POF1B: variants seen among roughly 807,000 people sequenced by gnomAD.
The protein encoded by POF1B is protein POF1B.
POF1B carries 53 observed loss-of-function variants against 55.3 expected under a neutral mutation model. The observed-to-expected ratio is 0.96, with a 90% CI of 0.77 to 1.20. The LOEUF is 1.20. Ranked by LOEUF, POF1B falls within the 50% of genes most tolerant of loss-of-function variation. POF1B has a pLI of 0.00. For synonymous variants in POF1B, 188 were observed against 148.3 expected (o/e 1.27, Z -1.95); for missense variants, 478 against 420.5 (o/e 1.14, Z -1.20).
intron 4 of POF1B, among the ~76,000 whole-genome samples, chrX:85,358,632 A>T (rs1459657734): frequency 9.0e-6 from 1 of 111,264 alleles, no homozygotes; most frequent in African/African-American, 3.3e-5. Context: ...CAAAAAGATA[A>T]AAAGGCTTAA....
At chrX:85,347,992 A>G (rs1933303783) in intron 5 of POF1B, among the ~76,000 whole-genome samples, 1 of 111,654 alleles carries the variant, frequency 9.0e-6, no homozygotes, top group African/African-American at 3.2e-5. Context: ...GAATAAAACA[A>G]AACAAAACAG....
intron 15 of POF1B, among the ~76,000 whole-genome samples, chrX:85,282,927 G>A (rs1337079340): frequency 4.5e-5 from 5 of 111,066 alleles, no homozygotes; most frequent in Non-Finnish European, 9.4e-5. Flanking sequence ...CTCTCATAGG[G>A]ATGGTAATGT....
chrX:85,280,637 A>G (rs1931875579), intron 16 of POF1B, among the ~76,000 whole-genome samples: 1 of 111,272 alleles, frequency 9.0e-6, no homozygotes, highest in Non-Finnish European at 1.9e-5. Context: ...GTAGTTTGAC[A>G]GGTAGATAAT....
At chrX:85,366,282 C>A (rs1486661346) in intron 3 of POF1B, among the ~76,000 whole-genome samples, 1 of 110,529 alleles carries the variant, frequency 9.0e-6, no homozygotes, top group African/African-American at 3.3e-5. Context: ...TTGAATAATA[C>A]AAATTTATAT....
At chrX:85,306,760 C>T (rs1919840718) in intron 11 of POF1B, among the ~76,000 whole-genome samples, 1 of 111,430 alleles carries the variant, frequency 9.0e-6, no homozygotes, top group African/African-American at 3.2e-5. Context: ...CCTAGGAATT[C>T]TCTCTGCTCA....
intron 15 of POF1B, among the ~76,000 whole-genome samples, chrX:85,284,043 G>A (rs1931975813): frequency 9.0e-6 from 1 of 111,079 alleles, no homozygotes; most frequent in Non-Finnish European, 1.9e-5. Flanking sequence ...AATCACGAGT[G>A]AACTCCCATT....
At chrX:85,291,123 G>A (rs976783586) in intron 15 of POF1B, among the ~76,000 whole-genome samples, 3 of 111,526 alleles carry the variant, frequency 2.7e-5, no homozygotes, top group South Asian at 7.4e-4. Flanking sequence ...ATAGTGTAAC[G>A]AGGGGTCCAA....
intron 15 of POF1B, among the ~76,000 whole-genome samples, chrX:85,285,659 G>C (rs905021963): frequency 1.3e-5 from 1 of 79,913 alleles, no homozygotes; most frequent in Middle Eastern, 6.8e-3. Flanking sequence ...CGTGGGGTGG[G>C]GGGAGGGGGA....
chrX:85,330,975 T>C lies in POF1B; in HGVS notation c.828A>G (p.Leu276=). The C allele has an allele frequency of 8.4e-7, 1 of 1,197,048 alleles. No homozygotes were observed. Among genetic ancestry groups the C allele is most frequent in the Middle Eastern group, 2.3e-4 (1 of 4,304 alleles). ...RKNTDLYHCL[L]EHLQRIGGSK... ...TTCCTCCAATTCTCTGCAAATGTTC[T>C]AATAAGCAGTGATATAGATCCGTAT... Residue 276 remains leucine (L), a synonymous_variant, in exon 7 of 17, where the codon TTA becomes TTG. Coordinates refer to ENST00000262753, the MANE Select transcript of POF1B (RefSeq NM_024921.4).
chrX:85,345,784 A>G (rs1933257400), intron 6 of POF1B, 76 bp downstream of exon 6: 4 of 892,097 alleles, frequency 4.5e-6, no homozygotes, highest in Non-Finnish European at 6.0e-6. Flanking sequence ...ATTTAATGGG[A>G]GCACCTGCAT....
chrX:85,335,156 A>G (rs191090919), intron 6 of POF1B, among the ~76,000 whole-genome samples: 1 of 111,442 alleles, frequency 9.0e-6, no homozygotes, highest in Admixed American at 9.6e-5. Flanking sequence ...TAAAGCGCTT[A>G]AAATGCCATG....
chrX:85,345,379 T>A (rs984828963), intron 6 of POF1B, among the ~76,000 whole-genome samples: 3 of 111,503 alleles, frequency 2.7e-5, no homozygotes, highest in African/African-American at 9.7e-5. Context: ...TCTATACATA[T>A]TTTGACTTGA....
chrX:85,282,852 T>A (rs1207136698), intron 15 of POF1B, among the ~76,000 whole-genome samples: 1 of 110,888 alleles, frequency 9.0e-6, no homozygotes, highest in Non-Finnish European at 1.9e-5. Flanking sequence ...TGTGCCTGTA[T>A]GTGAAGAAGC....
At chrX:85,279,531 C>A (rs892837108) in intron 16 of POF1B, 105 bp from the exon 17 acceptor site, 4 of 752,274 alleles carry the variant, frequency 5.3e-6, no homozygotes, top group Non-Finnish European at 7.9e-6. Flanking sequence ...TGTATAAAAC[C>A]AAAGGACATG....
chrX:85,282,320 G>T lies in POF1B; in HGVS notation c.1650-3C>A. The T allele has an allele frequency of 9.0e-7, 1 of 1,106,799 alleles. No individual in the cohort carries two copies. The highest frequency in any genetic ancestry group is 1.2e-6 in the Non-Finnish European group (1 of 831,641). The allele number at this position is 1,106,799 out of a possible 1,213,427, so 91.2% of individuals were successfully genotyped here. The stretch of plus-strand genomic sequence containing the variant: ...GGATTGGATATTGTGTCCTGTACCT[G>T]TTGGCAAGAAAAGAGTTAGTTTACA... On this transcript the variant is annotated splice_region_variant and splice_polypyrimidine_tract_variant and intron_variant, in intron 15 of 16. Coordinates refer to ENST00000262753, the MANE Select transcript of POF1B (RefSeq NM_024921.4).
At chrX:85,370,645 A>G (rs73513700) in intron 2 of POF1B, among the ~76,000 whole-genome samples, 7,276 of 111,404 alleles carry the variant, frequency 0.065, 544 homozygotes, top group African/African-American at 0.22. Context: ...TACAAAATTA[A>G]GTAAGATGGT....
At chrX:85,320,403 G>T (rs1347427560) in intron 7 of POF1B, among the ~76,000 whole-genome samples, 1 of 110,529 alleles carries the variant, frequency 9.0e-6, no homozygotes, top group Non-Finnish European at 1.9e-5. Flanking sequence ...CGAGAACAAA[G>T]ACACAACATA....
At chrX:85,338,273 C>G (rs1396445193) in intron 6 of POF1B, among the ~76,000 whole-genome samples, 1 of 111,393 alleles carries the variant, frequency 9.0e-6, no homozygotes, top group Non-Finnish European at 1.9e-5. Flanking sequence ...TTGATTATAA[C>G]AAAGGATAAA....
intron 15 of POF1B, among the ~76,000 whole-genome samples, chrX:85,293,880 A>C (rs1308137322): frequency 1.8e-5 from 2 of 110,100 alleles, no homozygotes; most frequent in Non-Finnish European, 3.8e-5. Context: ...AGGCTGAGGC[A>C]GAAGAATCGC....
Sources: gnomAD v4.1 joint callset for allele counts (sites outside exome capture counted in the v4.1 genomes callset) on GRCh38, gnomAD v4.1.1 for gene constraint, MANE v1.5 for transcripts, NCBI Gene and HGNC (gene_info 2026-07-23, HGNC 2026-07-21) for gene names.